GOLGA2: variants seen among roughly 807,000 people sequenced by gnomAD.
GOLGA2 encodes the protein golgin subfamily A member 2.
Under a neutral mutation model 148.8 loss-of-function variants are expected in GOLGA2, and 49 were observed. The observed-to-expected ratio is 0.33, with a 90% confidence interval of 0.26 to 0.42. GOLGA2 has a LOEUF of 0.42. Ranked by LOEUF, GOLGA2 falls within the 10% of genes least tolerant of loss-of-function variation. GOLGA2 has a pLI of 1.00. For missense variants in GOLGA2, 1,178 were observed against 1,304.6 expected (o/e 0.90, Z 1.49); for synonymous variants, 501 against 511.8 (o/e 0.98, Z 0.28).
At chr9:128,268,923 G>A (rs937002837) in intron 3 of GOLGA2, among the ~76,000 whole-genome samples, 2 of 152,136 alleles carry the variant, frequency 1.3e-5, no homozygotes, top group Non-Finnish European at 2.9e-5. Context: ...GCCCCTACTG[G>A]GCAGAGGATG....
chr9:128,259,131 T>C, intron 20 of GOLGA2, 36 bp downstream of exon 20: 1 of 1,598,432 alleles, frequency 6.3e-7, no homozygotes, highest in Non-Finnish European at 8.6e-7. Flanking sequence ...TGCCAGGTTG[T>C]CCCCCTCGGG....
At chr9:128,262,956 ACCTGTAC>A in intron 13 of GOLGA2, 71 bp downstream of exon 13, 1 of 1,002,206 alleles carries the variant, frequency 1.0e-6, no homozygotes, top group Non-Finnish European at 1.6e-6. Context: ...CATCATGCTT[ACCTGTAC>A]CCCCCACCTC....
At position 128,255,953 on chromosome 9, in the gene GOLGA2, C is replaced by G. The variant is rs555013615; in HGVS notation, c.*1114G>C. 1 of 152,682 alleles carries G rather than the reference C, an allele frequency of 6.5e-6. No homozygotes were observed. The highest frequency in any genetic ancestry group is 1.5e-5 in the Non-Finnish European group (1 of 68,070). 9.5% of individuals were successfully genotyped at this position (152,682 alleles called of 1,614,324 possible). On this transcript the variant is annotated 3_prime_UTR_variant, in exon 27 of 27. Transcript: ENST00000611957. ...TGCTATCAATAAATAAGTTTCCCAGCCCCAAATAATTATTAGAACCTCCTC... is the reference window on the plus strand; with the variant it reads ...TGCTATCAATAAATAAGTTTCCCAGGCCCAAATAATTATTAGAACCTCCTC...
In GOLGA2 at chr9:128,261,910, A is replaced by G; in HGVS notation, c.1135-153T>C. 1.7e-6 allele frequency: 1 copy of G among 603,910 alleles called. No homozygotes were observed. Among genetic ancestry groups the G allele is most frequent in the Non-Finnish European group, 2.9e-6 (1 of 339,282 alleles). 37.4% of individuals were successfully genotyped at this position (603,910 alleles called of 1,614,324 possible). On this transcript the variant is annotated intron_variant, in intron 14 of 26. Coordinates refer to ENST00000611957, the MANE Select transcript of GOLGA2 (RefSeq NM_001366244.2). This position sits in a 1 kb window ranked among gnomAD's most constrained non-coding sequence, Gnocchi z 5.7. Reference sequence around the variant, plus strand: ...TGCTTTAGAAATAAAAAATAATTTTAAAAAGATCTCAGGCCAGGCATGGTG... The same window carrying G: ...TGCTTTAGAAATAAAAAATAATTTTGAAAAGATCTCAGGCCAGGCATGGTG...
In GOLGA2 at chr9:128,265,667, C is replaced by A. The variant is rs776316431; in HGVS notation, c.851G>T (p.Arg284Leu). The A allele has an allele frequency of 5.0e-6, 8 of 1,613,806 alleles. No homozygotes were observed. The highest frequency in any genetic ancestry group is 6.8e-6 in the Non-Finnish European group (8 of 1,179,878). ...CACACGCCGCCGGGAATACTGCAGG[C>A]GGCTGGCCAGATCTTCAGACTCTCC... ...KEGESEDLASRLQYSRRRVGE... is the reference protein window; with the variant it reads ...KEGESEDLASLLQYSRRRVGE... The change falls in exon 12 of 27, where the codon CGC becomes CTC. Residue 284 changes from arginine to leucine, a missense_variant. Physicochemically the swap from Arg to Leu is moderately radical, Grantham distance 102 (BLOSUM62 -2). Coordinates refer to ENST00000611957, the MANE Select transcript of GOLGA2 (RefSeq NM_001366244.2).
At position 128,271,520 on chromosome 9, in the gene GOLGA2, A is replaced by G. The variant is rs1830944333; in HGVS notation, c.288+1265T>C. Among the ~76,000 whole-genome samples the G allele has an allele frequency of 6.6e-6, 1 of 152,128 alleles. No individual in the cohort carries two copies. The highest frequency in any genetic ancestry group is 2.4e-5 in the African/African-American group (1 of 41,420). On this transcript the variant is annotated intron_variant, in intron 3 of 26. Transcript: ENST00000611957. This position sits in a 1 kb window ranked among gnomAD's most constrained non-coding sequence, Gnocchi z 4.4. ...TTGTCTCCCAGCCCTGTGTACCTCC[A>G]TGCCCTGCCCCCCACCAGGCTCCCT...
In GOLGA2 at chr9:128,273,729, AG is replaced by A. The variant is rs538958049; in HGVS notation, c.207+120del. The A allele has an allele frequency of 1.4e-5, 17 of 1,241,984 alleles. No homozygotes were observed. In the East Asian group the frequency reaches 2.6e-4, roughly 19 times the overall value. 76.9% of individuals were successfully genotyped at this position (1,241,984 alleles called of 1,614,324 possible). On this transcript the variant is annotated intron_variant, in intron 2 of 26. Coordinates refer to ENST00000611957, the MANE Select transcript of GOLGA2 (RefSeq NM_001366244.2). ...TAAATCACATCCCTAGCAGATGGAC[AG>A]GTAGGATACAAACCCAGAACTCTTA...
In GOLGA2 at chr9:128,259,349, G is replaced by C; in HGVS notation, c.1915C>G (p.Arg639Gly). 1 of 1,604,092 alleles carries C rather than the reference G, an allele frequency of 6.2e-7. No homozygotes were observed. The highest frequency in any genetic ancestry group is 1.1e-5 in the South Asian group (1 of 89,934). Residue 639 changes from arginine to glycine, a missense_variant, in exon 20 of 27, where the codon CGA becomes GGA. Transcript: ENST00000611957. ...TGCAGGTGTCCCAGGTACTGGTCTC[G>C]CTGCTGCTGCAGACTTTGAGCCTCT... ...SQEAQSLQQQ[R>G]DQYLGHLQQY...
Position 128,257,541 on chromosome 9 carries a change from C to T in GOLGA2, c.2719-16G>A. On this transcript the variant is annotated splice_polypyrimidine_tract_variant and intron_variant, in intron 25 of 26. Coordinates refer to ENST00000611957, the MANE Select transcript of GOLGA2 (RefSeq NM_001366244.2). The surrounding 1 kb of genome is among the most constrained non-coding windows in gnomAD (Gnocchi z 8.0). The stretch of plus-strand genomic sequence containing the variant: ...GCAGCTTCACCTGGAGGGAGGGGTG[C>T]TAAGCTGCCATGCCCATGCCCGTGC... 6.2e-7 allele frequency: 1 copy of T among 1,614,058 alleles called. No homozygotes were observed. The highest frequency in any genetic ancestry group is 8.5e-7 in the Non-Finnish European group (1 of 1,180,006).
chr9:128,260,117 GCTT>G lies in GOLGA2; in HGVS notation c.1828_1830del (p.Lys610del). On this transcript the variant is annotated inframe_deletion, in exon 19 of 27. Transcript: ENST00000611957. This position sits in a 1 kb window ranked among gnomAD's most constrained non-coding sequence, Gnocchi z 4.8. ...CTCAGCTTCTCCTGCAGCTCGCCCA[GCTT>G]CTTTCCCAGCTCCCTCTTGACGTGC... is the stretch of plus-strand genomic sequence containing the variant. 1 of 1,611,122 alleles carries G rather than the reference GCTT, an allele frequency of 6.2e-7. No homozygotes were observed. The highest frequency in any genetic ancestry group is 1.3e-5 in the African/African-American group (1 of 75,026).
At position 128,268,471 on chromosome 9, in the gene GOLGA2, A is replaced by G. The variant is rs1364101378; in HGVS notation, c.342T>C (p.Pro114=). The part of the protein sequence containing the change: ...TLQPSDDTVL[P]GGVPSPGASL... ...TGGCACCAGGGGAAGGGACACCGCCAGGTAACACGGTGTCATCAGATGGTT... is the reference window on the plus strand; with the variant it reads ...TGGCACCAGGGGAAGGGACACCGCCGGGTAACACGGTGTCATCAGATGGTT... Residue 114 remains proline (P), a synonymous_variant, in exon 4 of 27, where the codon CCT becomes CCC. Coordinates refer to ENST00000611957, the MANE Select transcript of GOLGA2 (RefSeq NM_001366244.2). 6.2e-7 allele frequency: 1 copy of G among 1,612,046 alleles called. No individual in the cohort carries two copies. The highest frequency in any genetic ancestry group is 1.3e-5 in the African/African-American group (1 of 74,908).
intron 12 of GOLGA2, among the ~76,000 whole-genome samples, chr9:128,265,108 G>A (rs536806063): frequency 2.6e-5 from 4 of 152,306 alleles, no homozygotes; most frequent in Admixed American, 2.0e-4. Context: ...CCAAAACTCC[G>A]AAAGGGCAGA....
In GOLGA2 at chr9:128,261,347, C is replaced by T; in HGVS notation, c.1333-88G>A. On this transcript the variant is annotated intron_variant, in intron 16 of 26. Transcript: ENST00000611957. This position sits in a 1 kb window ranked among gnomAD's most constrained non-coding sequence, Gnocchi z 5.7. ...TCCCTCTGCCCCCACCGCCACAAAG[C>T]CCAGACCCATGACCACCTCTGGCTG... The T allele has an allele frequency of 1.6e-6, 2 of 1,272,368 alleles. No homozygotes were observed. The highest frequency in any genetic ancestry group is 2.3e-6 in the Non-Finnish European group (2 of 869,272). The allele number at this position is 1,272,368 out of a possible 1,614,324, so 78.8% of individuals were successfully genotyped here.
chr9:128,268,079 T>G, intron 5 of GOLGA2, 38 bp downstream of exon 5: 1 of 1,607,170 alleles, frequency 6.2e-7, no homozygotes, highest in Non-Finnish European at 8.5e-7. Context: ...CCTGACTCTC[T>G]CAGCCTAGAG....
rs1400264518 is a variant in GOLGA2 at position 128,261,862 on chromosome 9, A to T, written c.1135-105T>A. 3 of 697,376 alleles carry T rather than the reference A, an allele frequency of 4.3e-6. No individual in the cohort carries two copies. The highest frequency in any genetic ancestry group is 5.2e-6 in the Non-Finnish European group (2 of 384,560). 43.2% of individuals were successfully genotyped at this position (697,376 alleles called of 1,614,324 possible). On this transcript the variant is annotated intron_variant, in intron 14 of 26. Coordinates refer to ENST00000611957, the MANE Select transcript of GOLGA2 (RefSeq NM_001366244.2). The surrounding 1 kb of genome is among the most constrained non-coding windows in gnomAD (Gnocchi z 5.7). ...AGGCTCAATGTGCAACTCAGTCAAT[A>T]CAACTCTGCTGTCAAGTTTCTTTGC... is the stretch of plus-strand genomic sequence containing the variant.
chr9:128,267,881 C>T (rs1830688974), intron 6 of GOLGA2, 53 bp downstream of exon 6: 1 of 1,353,920 alleles, frequency 7.4e-7, no homozygotes, highest in South Asian at 1.2e-5. Context: ...GCTTCAGTTT[C>T]TATCATAGTT....
chr9:128,264,588 G>A (rs2131359610), intron 12 of GOLGA2, among the ~76,000 whole-genome samples: 1 of 152,114 alleles, frequency 6.6e-6, no homozygotes, highest in Admixed American at 6.5e-5. Flanking sequence ...CACCACACCT[G>A]GCTAATTTTT....
chr9:128,260,177 T>C lies in GOLGA2; in HGVS notation c.1771A>G (p.Met591Val), dbSNP rs761114875. Reference sequence around the variant, plus strand: ...GACTGCAGTGCGCTGGTGATCTCCATGTTCTCATTAGTCTGGACAGAGAGA... The same window carrying C: ...GACTGCAGTGCGCTGGTGATCTCCACGTTCTCATTAGTCTGGACAGAGAGA... ...SGFVKLTNEN[M>V]EITSALQSEQ... The change falls in exon 19 of 27, where the codon ATG becomes GTG. Residue 591 changes from methionine to valine, a missense_variant. By Grantham distance (21) the Met-to-Val change is conservative. Around this residue, in one of 5 missense-constraint regions of GOLGA2, gnomAD observed 529 missense variants for 521.8 expected, o/e 1.01. Transcript: ENST00000611957. The surrounding 1 kb of genome is among the most constrained non-coding windows in gnomAD (Gnocchi z 4.8). The C allele has an allele frequency of 3.1e-6, 5 of 1,606,182 alleles. No homozygotes were observed. The highest frequency in any genetic ancestry group is 4.2e-6 in the Non-Finnish European group (5 of 1,177,642).
At chr9:128,273,534 A>G (rs1045618077) in intron 2 of GOLGA2, 5 of 471,510 alleles carry the variant, frequency 1.1e-5, no homozygotes, top group African/African-American at 1.0e-4. Context: ...GGAAAATGAA[A>G]CAGCAACTAC....
Sources: gnomAD v4.1 joint callset for allele counts (sites outside exome capture counted in the v4.1 genomes callset) on GRCh38, gnomAD v4.1.1 for gene constraint, gnomAD v4.1.1 regional missense constraint, Gnocchi (gnomAD v3.1) non-coding constraint, MANE v1.5 for transcripts, NCBI Gene and HGNC (gene_info 2026-07-23, HGNC 2026-07-21) for gene names.